The following BOP1 variants were observed in gnomAD, a reference collection of about 807,000 sequenced individuals.
The protein encoded by BOP1 is ribosome biogenesis protein BOP1.
A neutral mutation model predicts 82.9 loss-of-function variants in BOP1; 54 were observed. The observed-to-expected ratio is 0.65, with a 90% CI of 0.52 to 0.82. The LOEUF is 0.82. BOP1 is among the 40% of genes least tolerant of loss of function. The pLI is 0.00. For synonymous variants in BOP1, 566 were observed against 451.1 expected, an observed-to-expected ratio of 1.25 and a Z score of -3.23; for missense variants, 1,170 against 1,072.0, an observed-to-expected ratio of 1.09 and a Z score of -1.28.
rs1247996161 is a variant in BOP1 at position 144,276,312 on chromosome 8, G to A, written c.310-8C>T. The A allele has an allele frequency of 1.1e-5, 18 of 1,611,678 alleles. No homozygotes were observed. The highest frequency in any genetic ancestry group is 3.3e-5 in the South Asian group (3 of 91,034). On this transcript the variant is annotated splice_polypyrimidine_tract_variant and splice_region_variant and intron_variant, in intron 2 of 15. Transcript: ENST00000569669. ...CGGGCAAGGAGTGCTGGCCTGCAGA[G>A]AGAGAGAGAAAATGGTCACTTCAGG... is the stretch of plus-strand genomic sequence containing the variant.
chr8:144,290,642 C>T (rs971169509), intron 1 of BOP1, among the ~76,000 whole-genome samples: 1 of 152,240 alleles, frequency 6.6e-6, no homozygotes, highest in Non-Finnish European at 1.5e-5. Flanking sequence ...GTCGCAGAAC[C>T]TGGCGCCTAG....
chr8:144,265,012 C>T lies in BOP1; in HGVS notation c.450G>A (p.Val150=). Reference sequence around the variant, plus strand: ...TGCGCCTGCCATCCAGGTCGTAGCCCACGTGGGGGAAGTCATCGTACCACT... The same window carrying T: ...TGCGCCTGCCATCCAGGTCGTAGCCTACGTGGGGGAAGTCATCGTACCACT... ...PLEWYDDFPH[V]GYDLDGRRIY... is the part of the protein sequence containing the mutation. The change falls in exon 4 of 16, where the codon GTG becomes GTA. Residue 150 remains valine (V), a synonymous_variant. Transcript: ENST00000569669. 6.2e-7 allele frequency: 1 copy of T among 1,612,352 alleles called. No individual in the cohort carries two copies. The highest frequency in any genetic ancestry group is 8.5e-7 in the Non-Finnish European group (1 of 1,179,754).
intron 3 of BOP1, chr8:144,267,000 C>T: frequency 1.3e-6 from 2 of 1,544,112 alleles, no homozygotes; most frequent in South Asian, 1.1e-5. Context: ...ACCTGGGCAA[C>T]GTGCTGCTGG....
intron 3 of BOP1, among the ~76,000 whole-genome samples, chr8:144,270,992 G>A (rs1034309204): frequency 7.9e-5 from 12 of 152,028 alleles, no homozygotes; most frequent in Non-Finnish European, 1.5e-4. Context: ...GGTCGCCTGC[G>A]CCCACCACCC....
intron 3 of BOP1, 179 bp from the exon 4 acceptor site, chr8:144,265,250 C>T (rs1160326543): frequency 1.5e-5 from 11 of 716,456 alleles, no homozygotes; most frequent in Admixed American, 8.8e-5. Flanking sequence ...CGTGGCATGG[C>T]GGCCACGCTG....
rs1413828856 is a variant in BOP1 at position 144,264,507 on chromosome 8, T to C, written c.765+8A>G. The stretch of plus-strand genomic sequence containing the variant: ...CCCAGGCCAAGCCCCAGGGGCTGTG[T>C]GCCCCACCTTCTCCTTCTCCACCAG... On this transcript the variant is annotated splice_region_variant and intron_variant, in intron 6 of 15. Coordinates refer to ENST00000569669, the MANE Select transcript of BOP1 (RefSeq NM_015201.5). The C allele has an allele frequency of 1.9e-6, 3 of 1,609,240 alleles. No individual in the cohort carries two copies. Among genetic ancestry groups the C allele is most frequent in the East Asian group, 2.2e-5 (1 of 44,830 alleles).
In BOP1 at chr8:144,263,202, C is replaced by T; in HGVS notation, c.1605+19G>A. 1 of 1,593,708 alleles carries T rather than the reference C, an allele frequency of 6.3e-7. No homozygotes were observed. The highest frequency in any genetic ancestry group is 8.5e-7 in the Non-Finnish European group (1 of 1,178,740). Reference sequence around the variant, plus strand: ...GGGCCCCTCCCGCTGCAGCCTCACCCCCAAGGCGCCCCACGTACCTTCCCG... The same window carrying T: ...GGGCCCCTCCCGCTGCAGCCTCACCTCCAAGGCGCCCCACGTACCTTCCCG... On this transcript the variant is annotated intron_variant, in intron 12 of 15. Transcript: ENST00000569669.
At position 144,264,452 on chromosome 8, in the gene BOP1, G is replaced by A. The variant is rs1170718250; in HGVS notation, c.766-15C>T. ...ATGCGAGAGACCTGCATAGACAGCC[G>A]GGTCAGGACGGGCAGTGCGGGGCGG... is the stretch of plus-strand genomic sequence containing the variant. On this transcript the variant is annotated splice_polypyrimidine_tract_variant and intron_variant, in intron 6 of 15. Coordinates refer to ENST00000569669, the MANE Select transcript of BOP1 (RefSeq NM_015201.5). The A allele has an allele frequency of 3.6e-5, 57 of 1,605,544 alleles. No homozygotes were observed. The highest frequency in any genetic ancestry group is 2.2e-4 in the South Asian group (20 of 91,002).
intron 3 of BOP1, among the ~76,000 whole-genome samples, 185 bp downstream of exon 3, chr8:144,276,039 G>A (rs766789650): frequency 4.7e-4 from 72 of 152,176 alleles, no homozygotes; most frequent in Non-Finnish European, 8.7e-4. Flanking sequence ...TTGTGTCCCA[G>A]ACCCCGAAAT....
Position 144,291,341 on chromosome 8 carries a change from C to A in BOP1, c.30G>T (p.Thr10=). 7.1e-7 allele frequency: 1 copy of A among 1,404,660 alleles called. No homozygotes were observed. Among genetic ancestry groups the A allele is most frequent in the Non-Finnish European group, 9.3e-7 (1 of 1,075,066 alleles). The allele number at this position is 1,404,660 out of a possible 1,614,324, so 87.0% of individuals were successfully genotyped here. A position where few individuals can be genotyped will look rare whatever the true frequency, so the allele number is the denominator to read the frequency against. Residue 10 remains threonine, a synonymous_variant, in exon 1 of 16, where the codon ACG becomes ACT. Coordinates refer to ENST00000569669, the MANE Select transcript of BOP1 (RefSeq NM_015201.5). This position sits in a 1 kb window ranked among gnomAD's most constrained non-coding sequence, Gnocchi z 4.1. MAGSRGAGR[T]AAPSVRPEKR... ...TCTCCGGCCGCACGCTCGGCGCCGC[C>A]GTGCGCCCCGCACCCCGCGAACCCG...
Position 144,262,944 on chromosome 8 carries a change from G to A in BOP1, c.1803C>T (p.Ser601=), listed in dbSNP as rs989493714. 3.6e-5 allele frequency: 55 copies of A among 1,546,912 alleles called. No homozygotes were observed. The highest frequency in any genetic ancestry group is 1.8e-4 in the African/African-American group (13 of 73,722). The stretch of plus-strand genomic sequence containing the variant: ...GGCGCAGCAGGTGGTAGAGGCGGAC[G>A]CTGCGCTGGGACGCCACCAACAGGA... ...RPFLLVASQR[S]VRLYHLLRQE... is the part of the protein sequence containing the mutation. Residue 601 remains serine (S), a synonymous_variant, in exon 13 of 16, where the codon AGC becomes AGT. Transcript: ENST00000569669.
Position 144,262,476 on chromosome 8 carries a change from C to T in BOP1, c.2007G>A (p.Val669=). 1.2e-6 allele frequency: 2 copies of T among 1,612,892 alleles called. No individual in the cohort carries two copies. Among genetic ancestry groups the T allele is most frequent in the South Asian group, 1.1e-5 (1 of 91,076 alleles). The change falls in exon 15 of 16, where the codon GTG becomes GTA. Residue 669 remains valine (V), a synonymous_variant. Coordinates refer to ENST00000569669, the MANE Select transcript of BOP1 (RefSeq NM_015201.5). ...AGAGTGGGTACCGCGGGTGGAAGGC[C>T]ACAGCCCGCAGAGCCTTCTTGTGGT... The part of the protein sequence containing the change: ...LRHHKKALRA[V]AFHPRYPLFA...
chr8:144,267,208 G>A, intron 3 of BOP1: 6 of 1,493,240 alleles, frequency 4.0e-6, no homozygotes, highest in South Asian at 1.3e-5. Flanking sequence ...GGCGCCGAGG[G>A]GGGCCTCCAA....
At chr8:144,269,308 C>T (rs1346548567) in intron 3 of BOP1, among the ~76,000 whole-genome samples, 10 of 152,246 alleles carry the variant, frequency 6.6e-5, no homozygotes, top group Non-Finnish European at 1.3e-4. Flanking sequence ...GCCTAACTTC[C>T]GGCTGGGTGG....
Position 144,264,545 on chromosome 8 carries a change from G to A in BOP1, c.735C>T (p.Ser245=). ...CCTTCTCCACCAGGGAGGGGATGAAGCTGCGCTTGTCGGCCGGGCGGTTGG... is the reference window on the plus strand; with the variant it reads ...CCTTCTCCACCAGGGAGGGGATGAAACTGCGCTTGTCGGCCGGGCGGTTGG... ...PVTNRPADKR[S]FIPSLVEKEK... The change falls in exon 6 of 16, where the codon AGC becomes AGT. Residue 245 remains serine (S), a synonymous_variant. Coordinates refer to ENST00000569669, the MANE Select transcript of BOP1 (RefSeq NM_015201.5). The A allele has an allele frequency of 1.2e-6, 2 of 1,610,558 alleles. No individual in the cohort carries two copies. Among genetic ancestry groups the A allele is most frequent in the South Asian group, 1.1e-5 (1 of 90,672 alleles).
chr8:144,284,318 C>T (rs1814804773), intron 2 of BOP1, among the ~76,000 whole-genome samples: 4 of 152,102 alleles, frequency 2.6e-5, no homozygotes, highest in Non-Finnish European at 5.9e-5. Context: ...AAGCATTTAT[C>T]CTTTGACCTA....
intron 2 of BOP1, among the ~76,000 whole-genome samples, chr8:144,287,624 C>T (rs189001585): frequency 6.6e-6 from 1 of 152,218 alleles, no homozygotes; most frequent in African/African-American, 2.4e-5. Flanking sequence ...TTTGGCCTCT[C>T]GAGCTGCTGG....
At chr8:144,270,320 C>T (rs1435759543) in intron 3 of BOP1, among the ~76,000 whole-genome samples, 1 of 152,076 alleles carries the variant, frequency 6.6e-6, no homozygotes, top group Non-Finnish European at 1.5e-5. Context: ...CGTCAGAGCC[C>T]CCGTGGACTG....
At position 144,264,565 on chromosome 8, in the gene BOP1, G is replaced by T; in HGVS notation, c.715C>A (p.Arg239Ser). 1.2e-6 allele frequency: 2 copies of T among 1,609,678 alleles called. No homozygotes were observed. The highest frequency in any genetic ancestry group is 2.2e-5 in the East Asian group (1 of 44,816). The change falls in exon 6 of 16, where the codon CGC becomes AGC. Residue 239 changes from arginine to serine, a missense_variant. Transcript: ENST00000569669. Reference protein sequence around the residue: ...GDVMIHPVTNRPADKRSFIPS... With the variant: ...GDVMIHPVTNSPADKRSFIPS... ...ATGAAGCTGCGCTTGTCGGCCGGGCGGTTGGTCACCGGGTGGATCATGACG... is the reference window on the plus strand; with the variant it reads ...ATGAAGCTGCGCTTGTCGGCCGGGCTGTTGGTCACCGGGTGGATCATGACG...
Sources: allele counts gnomAD v4.1 joint callset (sites outside exome capture counted in the v4.1 genomes callset), GRCh38; gene constraint gnomAD v4.1.1; non-coding constraint Gnocchi (gnomAD v3.1); transcripts MANE v1.5; gene names NCBI Gene and HGNC (gene_info 2026-07-23, HGNC 2026-07-21).